The following SLC52A3 variants were observed in gnomAD, a reference collection of about 807,000 sequenced individuals.
SLC52A3 encodes solute carrier family 52, riboflavin transporter, member 3.
A neutral mutation model predicts 29.5 loss-of-function variants in SLC52A3; 20 were observed. The ratio of observed to expected loss-of-function variants is 0.68; its 90% CI spans 0.48 to 0.99. The LOEUF (loss-of-function observed/expected upper bound fraction) is 0.99. Among genes scored for constraint, SLC52A3 ranks in the 50% least tolerant of loss-of-function variants. SLC52A3 has a pLI of 0.00. For missense variants in SLC52A3, 548 were observed against 612.9 expected, an observed-to-expected ratio of 0.89 and a Z score of 1.12; for synonymous variants, 301 against 271.0, an observed-to-expected ratio of 1.11 and a Z score of -1.09.
Position 761,570 on chromosome 20 carries a change from C to T in SLC52A3, c.1197+131G>A, listed in dbSNP as rs368886204. The T allele has an allele frequency of 3.6e-5, 50 of 1,404,908 alleles. No homozygotes were observed. The African/African-American group carries it at 5.3e-4, about 15-fold the overall frequency. The allele number at this position is 1,404,908 out of a possible 1,614,324, so 87.0% of individuals were successfully genotyped here. ...CTCCCAAATGAGGAAGGGGCGCTTCCCCCACCTGGGGCTTCCCGGGAGGGT... is the reference window on the plus strand; with the variant it reads ...CTCCCAAATGAGGAAGGGGCGCTTCTCCCACCTGGGGCTTCCCGGGAGGGT... On this transcript the variant is annotated intron_variant, in intron 4 of 4. Transcript: ENST00000645534.
upstream of SLC52A3, among the ~76,000 whole-genome samples, chr20:776,640 C>G (rs1469825012): frequency 6.6e-6 from 1 of 152,100 alleles, no homozygotes; most frequent in Admixed American, 6.6e-5. Flanking sequence ...TTCTTTCTGC[C>G]CACTGCATAA....
chr20:771,921 G>C (rs1264492860), upstream of SLC52A3, among the ~76,000 whole-genome samples: 1 of 152,152 alleles, frequency 6.6e-6, no homozygotes, highest in African/African-American at 2.4e-5. Flanking sequence ...CACCCTTCCA[G>C]GTCAAGACAG....
upstream of SLC52A3, among the ~76,000 whole-genome samples, chr20:778,785 G>A (rs565436994): frequency 6.6e-6 from 1 of 150,518 alleles, no homozygotes; most frequent in South Asian, 2.1e-4. Flanking sequence ...GGAGTGCAGC[G>A]GCCAGGCTGG....
intron 1 of SLC52A3, among the ~76,000 whole-genome samples, chr20:774,185 G>T (rs773104741): frequency 1.3e-5 from 2 of 152,230 alleles, no homozygotes; most frequent in East Asian, 3.9e-4. Flanking sequence ...CTGCCAGCTG[G>T]TAGGCACCTA....
In SLC52A3 at chr20:763,527, G is replaced by C; in HGVS notation, c.1044C>G (p.Ala348=). The part of the protein sequence containing the change: ...ATLSIVANPL[A]SLVSMFLPNR... ...TAGGCAGGAACATGGAGACCAACGA[G>C]GCAAGAGGGTTGGCCACAATGCTGA... is the stretch of plus-strand genomic sequence containing the variant. The change falls in exon 3 of 5, where the codon GCC becomes GCG. Residue 348 remains alanine (A), a synonymous_variant. Transcript: ENST00000645534. 1 of 1,614,104 alleles carries C rather than the reference G, an allele frequency of 6.2e-7. No individual in the cohort carries two copies. Among genetic ancestry groups the C allele is most frequent in the Non-Finnish European group, 8.5e-7 (1 of 1,179,996 alleles).
At chr20:762,628 C>T (rs2317025) in intron 3 of SLC52A3, among the ~76,000 whole-genome samples, 56,112 of 152,096 alleles carry the variant, frequency 0.37, 10,917 homozygotes, top group East Asian at 0.66. Context: ...GTAATTCTAA[C>T]ATTTGGGGTT....
chr20:775,939 C>T (rs557836232), intron 1 of SLC52A3: 2 of 152,942 alleles, frequency 1.3e-5, no homozygotes, highest in East Asian at 3.8e-4. Flanking sequence ...TGAGCCGCCC[C>T]GCTTTGCCCA....
intron 4 of SLC52A3, 128 bp downstream of exon 4, chr20:761,573 C>A (rs3746800): frequency 9.7e-5 from 138 of 1,429,382 alleles, no homozygotes; most frequent in Non-Finnish European, 1.2e-4. Flanking sequence ...GCGCTTCCCC[C>A]ACCTGGGGCT....
chr20:761,103 G>C lies in SLC52A3; in HGVS notation c.1333C>G (p.Leu445Val), dbSNP rs1431510759. Residue 445 changes from leucine to valine, a missense_variant, in exon 5 of 5, where the codon CTG becomes GTG. Around this residue, in one of 2 missense-constraint regions of SLC52A3, gnomAD observed 173 missense variants for 141.8 expected, o/e 1.22. Transcript: ENST00000645534. ...AVQLGSLLGALLMFPLVNVLR... is the reference protein window; with the variant it reads ...AVQLGSLLGAVLMFPLVNVLR... ...ACGTTGACCAGAGGGAACATGAGCA[G>C]CGCTCCGAGCAGCGAGCCCAGCTGC... 6 of 1,606,644 alleles carry C rather than the reference G, an allele frequency of 3.7e-6. No homozygotes were observed. In the African/African-American group the frequency reaches 6.7e-5, roughly 18 times the overall value.
At chr20:772,451 T>A (rs916365524), upstream of SLC52A3, among the ~76,000 whole-genome samples, 1 of 152,140 alleles carries the variant, frequency 6.6e-6, no homozygotes, top group Non-Finnish European at 1.5e-5. Flanking sequence ...GAACAGTCAT[T>A]AATGTCAATG....
Position 761,376 on chromosome 20 carries a change from C to T in SLC52A3, c.1198-138G>A, listed in dbSNP as rs971930525. ...GGAGCGCCTTCTGGGAGTGAGCCTG[C>T]GGGGCCGACGGGTCCCATGAGTTGG... On this transcript the variant is annotated intron_variant, in intron 4 of 4. Transcript: ENST00000645534. The T allele has an allele frequency of 3.9e-5, 40 of 1,014,032 alleles. 1 individual carries two copies. The African/African-American group carries it at 6.0e-4, about 15-fold the overall frequency. The allele number at this position is 1,014,032 out of a possible 1,614,324, so 62.8% of individuals were successfully genotyped here.
In SLC52A3 at chr20:761,070, G is replaced by A; in HGVS notation, c.1366C>T (p.Leu456Phe). 6.2e-7 allele frequency: 1 copy of A among 1,609,946 alleles called. No individual in the cohort carries two copies. The highest frequency in any genetic ancestry group is 1.1e-5 in the South Asian group (1 of 90,510). Residue 456 changes from leucine (L) to phenylalanine (F), a missense_variant, in exon 5 of 5, where the codon CTC (leucine) becomes TTC (phenylalanine). Transcript: ENST00000645534. The stretch of plus-strand genomic sequence containing the variant: ...TTGCAGAAGTCCGCGGACGAGAAGA[G>A]CCGCAGCACGTTGACCAGAGGGAAC... ...LMFPLVNVLR[L>F]FSSADFCNLH...
At chr20:762,374 G>T (rs6038642) in intron 3 of SLC52A3, among the ~76,000 whole-genome samples, 97,132 of 152,026 alleles carry the variant, frequency 0.64, 32,480 homozygotes, top group East Asian at 0.87. Flanking sequence ...AATGTGGAGT[G>T]TGCTGATCTC....
At chr20:776,090 A>T (rs1237228103), upstream of SLC52A3, 3 of 152,370 alleles carry the variant, frequency 2.0e-5, no homozygotes, top group African/African-American at 7.2e-5. Flanking sequence ...CCAGGCGCCT[A>T]CTATGTGTCT....
At chr20:764,537 A>AGG (rs201459653) in intron 2 of SLC52A3, among the ~76,000 whole-genome samples, 1,576 of 115,168 alleles carry the variant, frequency 0.014, 7 homozygotes, top group Middle Eastern at 0.022. Context: ...CCCCCACCTA[A>AGG]GGAAGAACAC....
At chr20:778,883 A>G (rs926814760), upstream of SLC52A3, among the ~76,000 whole-genome samples, 2 of 152,130 alleles carry the variant, frequency 1.3e-5, no homozygotes, top group African/African-American at 2.4e-5. Context: ...CCTGGCCACA[A>G]TTTCATACTT....
chr20:765,250 G>C lies in SLC52A3; in HGVS notation c.525C>G (p.Ser175Arg), dbSNP rs143641819. ...TCVNVTEISD[S>R]VPSPVPTRET... Reference sequence around the variant, plus strand: ...CCCTCGTGGGTACAGGGCTTGGTACGCTGTCTGATATCTCAGTGACATTGA... The same window carrying C: ...CCCTCGTGGGTACAGGGCTTGGTACCCTGTCTGATATCTCAGTGACATTGA... The change falls in exon 2 of 5, where the codon AGC (serine) becomes AGG (arginine). Residue 175 changes from serine to arginine, a missense_variant. Physicochemically the swap from Ser to Arg is moderately radical, Grantham distance 110. Coordinates refer to ENST00000645534, the MANE Select transcript of SLC52A3 (RefSeq NM_033409.4). This position sits in a 1 kb window ranked among gnomAD's most constrained non-coding sequence, Gnocchi z 6.6. 6.8e-6 allele frequency: 11 copies of C among 1,614,074 alleles called. No homozygotes were observed. Among genetic ancestry groups the C allele is most frequent in the Non-Finnish European group, 8.5e-6 (10 of 1,180,042 alleles).
At chr20:778,307 A>T (rs1322713417), upstream of SLC52A3, among the ~76,000 whole-genome samples, 1 of 151,440 alleles carries the variant, frequency 6.6e-6, no homozygotes, top group Non-Finnish European at 1.5e-5. Context: ...GAGCCACTAC[A>T]CTGGCCACCA....
At chr20:775,418 C>T (rs1986984688) in intron 1 of SLC52A3, among the ~76,000 whole-genome samples, 2 of 152,074 alleles carry the variant, frequency 1.3e-5, no homozygotes, top group African/African-American at 4.8e-5. Context: ...GGACTATTAA[C>T]CCATGCCACC....
Sources: gnomAD v4.1 joint callset for allele counts (sites outside exome capture counted in the v4.1 genomes callset) on GRCh38, gnomAD v4.1.1 for gene constraint, gnomAD v4.1.1 regional missense constraint, Gnocchi (gnomAD v3.1) non-coding constraint, MANE v1.5 for transcripts, NCBI Gene and HGNC (gene_info 2026-07-23, HGNC 2026-07-21) for gene names.